Variants in RIPOR2 observed in about 807,000 individuals in gnomAD.
RIPOR2 encodes rho family-interacting cell polarization regulator 2.
In RIPOR2, 39 loss-of-function variants were observed where a neutral mutation model predicts 114.5. That is an observed-to-expected ratio of 0.34 (90% CI 0.26 to 0.44). The LOEUF (loss-of-function observed/expected upper bound fraction) is 0.44, where lower values mean the gene tolerates loss of function less well. Among genes scored for constraint, RIPOR2 ranks in the 20% least tolerant of loss-of-function variants. RIPOR2 has a pLI of 1.00. For missense variants in RIPOR2, 1,007 were observed against 1,255.1 expected, an observed-to-expected ratio of 0.80 and a Z score of 2.99; for synonymous variants, 445 against 484.4, an observed-to-expected ratio of 0.92 and a Z score of 1.07.
rs373389745 is a variant in RIPOR2 at position 24,823,867 on chromosome 6, C to T, written c.2868+1359G>A. ...CACCTCCTGGGTTCAAGTCATTCTC[C>T]TGCCTCAGCCTCCTGAGTAGCTGGG... On this transcript the variant is annotated intron_variant, in intron 19 of 21. Transcript: ENST00000643898. 1.4e-4 allele frequency among the ~76,000 whole-genome samples: 21 copies of T among 152,288 alleles called. No homozygotes were observed. The South Asian group carries it at 3.9e-3, about 29-fold the overall frequency.
At chr6:24,917,787 C>G (rs768423915) in intron 1 of RIPOR2, among the ~76,000 whole-genome samples, 9 of 152,296 alleles carry the variant, frequency 5.9e-5, no homozygotes, top group Middle Eastern at 6.8e-3. Flanking sequence ...CATCAGCCTC[C>G]CAAAGTGCTG....
At chr6:25,024,366 C>G in intron 1 of RIPOR2, 3 of 1,373,588 alleles carry the variant, frequency 2.2e-6, no homozygotes, top group Non-Finnish European at 3.1e-6. Flanking sequence ...TTCCTTCTGG[C>G]CAGTGTTGGC....
intron 1 of RIPOR2, among the ~76,000 whole-genome samples, chr6:24,889,035 C>T (rs1581716762): frequency 6.6e-6 from 1 of 152,124 alleles, no homozygotes; most frequent in South Asian, 2.1e-4. Context: ...TATGACAACA[C>T]TTTAAAAAGC....
intron 12 of RIPOR2, among the ~76,000 whole-genome samples, chr6:24,847,062 T>C (rs1460842457): frequency 1.3e-5 from 2 of 152,104 alleles, no homozygotes; most frequent in African/African-American, 4.8e-5. Flanking sequence ...AGTGATCCTC[T>C]CACCTCAGCC....
At chr6:24,941,842 C>T (rs1193496138) in intron 1 of RIPOR2, among the ~76,000 whole-genome samples, 1 of 151,888 alleles carries the variant, frequency 6.6e-6, no homozygotes, top group Non-Finnish European at 1.5e-5. Flanking sequence ...TTTTTTTAAC[C>T]TCAAGACAAA....
chr6:24,970,028 T>G (rs1773707411), intron 1 of RIPOR2, among the ~76,000 whole-genome samples: 1 of 150,600 alleles, frequency 6.6e-6, no homozygotes, highest in African/African-American at 2.5e-5. Flanking sequence ...TAAGGGGGAG[T>G]GGAATTAAAA....
At chr6:24,833,538 AAAC>A (rs1760850724) in intron 15 of RIPOR2, among the ~76,000 whole-genome samples, 1 of 152,092 alleles carries the variant, frequency 6.6e-6, no homozygotes, top group African/African-American at 2.4e-5. Context: ...CAAAAAAACA[AAAC>A]AAAGTCTAGT....
chr6:24,979,995 A>G (rs2113578802), intron 1 of RIPOR2, among the ~76,000 whole-genome samples: 1 of 152,334 alleles, frequency 6.6e-6, no homozygotes, highest in Non-Finnish European at 1.5e-5. Context: ...ACCACTAAAT[A>G]TAACACCGTA....
intron 1 of RIPOR2, among the ~76,000 whole-genome samples, chr6:24,982,238 T>TGTTAACAA (rs1774326185): frequency 6.6e-6 from 1 of 152,246 alleles, no homozygotes; most frequent in Non-Finnish European, 1.5e-5. Context: ...TTCCAAAGGC[T>TGTTAACAA]GTTAACAATC....
chr6:24,861,083 A>G (rs779078367), intron 7 of RIPOR2, 47 bp from the exon 8 acceptor site: 2 of 1,377,320 alleles, frequency 1.5e-6, no homozygotes, highest in South Asian at 2.4e-5. Flanking sequence ...CTTTCACCCA[A>G]CAGCTCAAAG....
At chr6:25,040,287 TG>T (rs572407410) in intron 1 of RIPOR2, among the ~76,000 whole-genome samples, 133 of 152,080 alleles carry the variant, frequency 8.7e-4, no homozygotes, top group Admixed American at 3.3e-3. Flanking sequence ...GGCTAATTTT[TG>T]TATTTTTAGT....
intron 1 of RIPOR2, among the ~76,000 whole-genome samples, chr6:24,927,264 C>CAGCACCACT (rs1770990587): frequency 1.4e-4 from 2 of 14,574 alleles, no homozygotes; most frequent in Admixed American, 6.1e-4. Flanking sequence ...CCACCACCAC[C>CAGCACCACT]ACAGCTACAA....
intron 1 of RIPOR2, among the ~76,000 whole-genome samples, chr6:24,932,573 G>C (rs950395204): frequency 4.6e-5 from 7 of 152,078 alleles, no homozygotes; most frequent in African/African-American, 1.7e-4. Context: ...AAGCAAACAG[G>C]ATCTCAGAAA....
intron 14 of RIPOR2, 72 bp downstream of exon 14, chr6:24,839,019 C>G (rs761627335): frequency 7.8e-6 from 10 of 1,274,750 alleles, no homozygotes; most frequent in Non-Finnish European, 1.1e-5. Context: ...CAGGTCCCCT[C>G]TGACAGTAAC....
intron 11 of RIPOR2, among the ~76,000 whole-genome samples, chr6:24,849,112 C>G (rs964720236): frequency 6.6e-6 from 1 of 152,152 alleles, no homozygotes; most frequent in Admixed American, 6.5e-5. Flanking sequence ...ACCATGTTGG[C>G]CAGGCTGGTC....
intron 1 of RIPOR2, among the ~76,000 whole-genome samples, chr6:25,026,430 G>A (rs904506526): frequency 9.2e-5 from 14 of 152,152 alleles, no homozygotes; most frequent in African/African-American, 2.9e-4. Flanking sequence ...AAAGGACTGC[G>A]AAGGGCGGAT....
chr6:24,951,461 C>T (rs967844679), intron 1 of RIPOR2, among the ~76,000 whole-genome samples: 1 of 152,118 alleles, frequency 6.6e-6, no homozygotes, highest in African/African-American at 2.4e-5. Context: ...ATTTTGTTGA[C>T]AAAGATAAGA....
At chr6:24,850,456 G>A (rs1762776206) in intron 10 of RIPOR2, 141 bp downstream of exon 10, 1 of 823,824 alleles carries the variant, frequency 1.2e-6, no homozygotes, top group Non-Finnish European at 1.9e-6. Context: ...CTGATGAGAG[G>A]GCAGCTGTCT....
chr6:24,972,258 G>A (rs993277140), intron 1 of RIPOR2, among the ~76,000 whole-genome samples: 2 of 152,178 alleles, frequency 1.3e-5, no homozygotes, highest in Admixed American at 1.3e-4. Context: ...AGGCAGTTTA[G>A]GTAACAGTGA....
Sources: allele counts gnomAD v4.1 joint callset (sites outside exome capture counted in the v4.1 genomes callset), GRCh38; gene constraint gnomAD v4.1.1; transcripts MANE v1.5; gene names NCBI Gene and HGNC (gene_info 2026-07-23, HGNC 2026-07-21).